Variants in ALG6 observed in about 807,000 individuals in gnomAD.
The protein encoded by ALG6 is dolichyl pyrophosphate Man9GlcNAc2 alpha-1,3-glucosyltransferase.
ALG6 carries 46 observed loss-of-function variants against 66.6 expected under a neutral mutation model. The ratio of observed to expected loss-of-function variants is 0.69; its 90% CI spans 0.55 to 0.88. The LOEUF is 0.88. Ranked by LOEUF, ALG6 falls within the 40% of genes least tolerant of loss-of-function variation. The pLI is 0.00. For synonymous variants in ALG6, 185 were observed against 203.7 expected (o/e 0.91, Z 0.78); for missense variants, 505 against 586.8 (o/e 0.86, Z 1.44).
At chr1:63,426,180 T>C (rs1285808859) in intron 12 of ALG6, among the ~76,000 whole-genome samples, 1 of 152,040 alleles carries the variant, frequency 6.6e-6, no homozygotes, top group South Asian at 2.1e-4. Context: ...ATTTACAAGA[T>C]GGGGAATAAT....
At chr1:63,379,472 A>C (rs549121930) in intron 2 of ALG6, among the ~76,000 whole-genome samples, 3 of 152,222 alleles carry the variant, frequency 2.0e-5, no homozygotes, top group African/African-American at 7.2e-5. Context: ...TTGTATTTTA[A>C]ATTGTAGTAG....
At chr1:63,407,195 C>T (rs142817009) in intron 7 of ALG6, 69 bp downstream of exon 7, 3 of 1,122,950 alleles carry the variant, frequency 2.7e-6, no homozygotes, top group East Asian at 4.7e-5. Flanking sequence ...GTGTACATTG[C>T]TGTCATCTAG....
chr1:63,435,488 C>T (rs1644673371), intron 14 of ALG6, among the ~76,000 whole-genome samples: 2 of 152,022 alleles, frequency 1.3e-5, no homozygotes, highest in African/African-American at 4.8e-5. Context: ...TAGATCTTAC[C>T]AATACTGTCA....
Position 63,437,177 on chromosome 1 carries a change from A to C in ALG6, c.*157A>C. ...GGTGAAAAGTCATTGTTGTCTACAC[A>C]AAATAAATGTATATGGAGACCAAAG... On this transcript the variant is annotated 3_prime_UTR_variant, in exon 15 of 15. Coordinates refer to ENST00000263440, the MANE Select transcript of ALG6 (RefSeq NM_013339.4). The C allele has an allele frequency of 1.5e-6, 1 of 681,414 alleles. No homozygotes were observed. The highest frequency in any genetic ancestry group is 2.4e-6 in the Non-Finnish European group (1 of 409,576). The allele number at this position is 681,414 out of a possible 1,614,324, so 42.2% of individuals were successfully genotyped here. A position where few individuals can be genotyped will look rare whatever the true frequency, so the allele number is the denominator to read the frequency against.
intron 12 of ALG6, among the ~76,000 whole-genome samples, chr1:63,419,920 A>C (rs114170331): frequency 0.012 from 1,808 of 152,248 alleles, 38 homozygotes; most frequent in African/African-American, 0.04. Flanking sequence ...AGAAGCATTA[A>C]ATTTTTTTCC....
At chr1:63,430,387 A>G (rs1644639622) in intron 14 of ALG6, among the ~76,000 whole-genome samples, 1 of 152,212 alleles carries the variant, frequency 6.6e-6, no homozygotes, top group Non-Finnish European at 1.5e-5. Flanking sequence ...TTGAGTGCAC[A>G]TATGTTTTCA....
intron 14 of ALG6, among the ~76,000 whole-genome samples, chr1:63,435,171 G>C (rs182683865): frequency 1.2e-3 from 179 of 152,326 alleles, no homozygotes; most frequent in African/African-American, 4.1e-3. Context: ...ATAGGCAACT[G>C]TTTTGGGAAA....
intron 2 of ALG6, among the ~76,000 whole-genome samples, chr1:63,374,292 C>T (rs1369637687): frequency 6.6e-6 from 1 of 152,176 alleles, no homozygotes; most frequent in East Asian, 1.9e-4. Context: ...TTTATTTAAT[C>T]TCCTTGAGCC....
intron 2 of ALG6, among the ~76,000 whole-genome samples, chr1:63,387,784 C>T (rs532155161): frequency 4.0e-5 from 6 of 151,866 alleles, no homozygotes; most frequent in South Asian, 2.1e-4. Context: ...TCAGGCAATC[C>T]GCCTGCCTCA....
chr1:63,409,025 C>A (rs1037790572), intron 7 of ALG6, among the ~76,000 whole-genome samples: 2 of 152,174 alleles, frequency 1.3e-5, no homozygotes, highest in African/African-American at 4.8e-5. Context: ...AGTGATCCAC[C>A]CACCTTGGCC....
Position 63,396,544 on chromosome 1 carries a change from T to G in ALG6, c.114T>G (p.Tyr38Ter). The G allele has an allele frequency of 6.2e-7, 1 of 1,614,168 alleles. No homozygotes were observed. The highest frequency in any genetic ancestry group is 1.1e-5 in the South Asian group (1 of 91,080). The stretch of plus-strand genomic sequence containing the variant: ...GTAAACCGCCTATGTTTGGTGATTA[T>G]GAAGCTCAGAGACACTGGCAAGAAA... ...GAGKPPMFGD[Y>*]EAQRHWQEIT... The change falls in exon 3 of 15, where the codon TAT becomes TAG. Residue 38 changes from tyrosine (Y) to a stop codon, truncating the protein, a stop_gained. Transcript: ENST00000263440. LOFTEE classifies it high-confidence loss of function.
intron 7 of ALG6, among the ~76,000 whole-genome samples, chr1:63,408,653 A>G (rs576097566): frequency 2.0e-5 from 3 of 152,346 alleles, no homozygotes; most frequent in African/African-American, 7.2e-5. Context: ...CAGATGCTCT[A>G]CATCTTGACC....
intron 12 of ALG6, among the ~76,000 whole-genome samples, chr1:63,422,104 TATAAATATATATAA>T (rs1644577599): frequency 1.2e-5 from 1 of 85,264 alleles, no homozygotes; most frequent in African/African-American, 3.9e-5. Flanking sequence ...AATATATAAA[TATAAATATATATAA>T]ATATATAAAT....
At chr1:63,376,975 C>CT (rs922478436) in intron 2 of ALG6, among the ~76,000 whole-genome samples, 25 of 148,134 alleles carry the variant, frequency 1.7e-4, no homozygotes, top group South Asian at 6.4e-4. Context: ...AATTGTTTTT[C>CT]TTTTTTTTTT....
intron 2 of ALG6, among the ~76,000 whole-genome samples, chr1:63,390,457 G>C (rs1648636324): frequency 6.6e-6 from 1 of 152,110 alleles, no homozygotes; most frequent in Admixed American, 6.6e-5. Context: ...AAGCCATACT[G>C]CCTGGGGTTG....
intron 2 of ALG6, among the ~76,000 whole-genome samples, chr1:63,373,658 A>ATTTT (rs34012518): frequency 4.6e-5 from 6 of 131,240 alleles, no homozygotes; most frequent in African/African-American, 8.8e-5. Flanking sequence ...TTTAATTTAC[A>ATTTT]TTTTTTTTTT....
chr1:63,418,549 A>T (rs1389185912), intron 11 of ALG6, among the ~76,000 whole-genome samples: 2 of 152,078 alleles, frequency 1.3e-5, no homozygotes, highest in African/African-American at 4.8e-5. Flanking sequence ...CAGATCTTGT[A>T]GGCATTGGGA....
At chr1:63,400,024 A>G (rs1250177385) in intron 3 of ALG6, among the ~76,000 whole-genome samples, 1 of 149,992 alleles carries the variant, frequency 6.7e-6, no homozygotes, top group Non-Finnish European at 1.5e-5. Context: ...GAGAAACCCC[A>G]TCTCTACTAA....
intron 2 of ALG6, 119 bp from the exon 3 acceptor site, chr1:63,396,394 C>G: frequency 2.4e-6 from 2 of 840,904 alleles, no homozygotes; most frequent in Non-Finnish European, 4.0e-6. Context: ...CTCGGTAACT[C>G]CTGTGTTCTT....
Sources: allele counts gnomAD v4.1 joint callset (sites outside exome capture counted in the v4.1 genomes callset), GRCh38; gene constraint gnomAD v4.1.1; transcripts MANE v1.5; gene names NCBI Gene and HGNC (gene_info 2026-07-23, HGNC 2026-07-21).